Variants in USP37 observed in about 807,000 individuals in gnomAD.
USP37 encodes the protein ubiquitin carboxyl-terminal hydrolase 37.
Under a neutral mutation model 124.0 loss-of-function variants are expected in USP37, and 27 were observed. The ratio of observed to expected loss-of-function variants is 0.22; its 90% CI spans 0.16 to 0.30. The LOEUF (loss-of-function observed/expected upper bound fraction) is 0.30. Among genes scored for constraint, USP37 ranks in the 10% least tolerant of loss-of-function variants. USP37 has a pLI of 1.00. For missense variants in USP37, 889 were observed against 1,140.4 expected (o/e 0.78, Z 3.17); for synonymous variants, 365 against 388.0 (o/e 0.94, Z 0.70).
chr2:218,530,287 C>T (rs1691249932), intron 9 of USP37, among the ~76,000 whole-genome samples: 1 of 152,130 alleles, frequency 6.6e-6, no homozygotes, highest in African/African-American at 2.4e-5. Context: ...TCTATCAGTG[C>T]CATTTTCCCA....
intron 8 of USP37, among the ~76,000 whole-genome samples, chr2:218,544,046 G>A (rs1332642425): frequency 1.3e-5 from 2 of 151,922 alleles, no homozygotes; most frequent in African/African-American, 2.4e-5. Context: ...TGTTATCTTT[G>A]TGACTTTTCT....
chr2:218,478,141 A>T (rs1164407946), intron 18 of USP37, among the ~76,000 whole-genome samples: 2 of 152,228 alleles, frequency 1.3e-5, no homozygotes, highest in Non-Finnish European at 2.9e-5. Context: ...CCAGAGTGGA[A>T]ATCAGGAAGA....
intron 11 of USP37, among the ~76,000 whole-genome samples, chr2:218,508,290 A>T (rs563428548): frequency 0.01 from 1,483 of 147,928 alleles, 10 homozygotes; most frequent in Middle Eastern, 0.017. Context: ...TTTTTTTTTT[A>T]AAAGGAGTTC....
At chr2:218,478,929 T>C (rs1691107142) in intron 18 of USP37, among the ~76,000 whole-genome samples, 1 of 152,134 alleles carries the variant, frequency 6.6e-6, no homozygotes, top group African/African-American at 2.4e-5. Context: ...TATGGTTATA[T>C]AAGCCCCCCA....
chr2:218,552,918 A>AAAAC (rs140347553), intron 5 of USP37, among the ~76,000 whole-genome samples: 3,383 of 151,488 alleles, frequency 0.022, 98 homozygotes, highest in African/African-American at 0.073. Context: ...ACTCCATTTC[A>AAAAC]AAACAAACAA....
Position 218,475,453 on chromosome 2 carries a change from G to A in USP37, c.2044-568C>T, listed in dbSNP as rs1024212767. Among the ~76,000 whole-genome samples the A allele has an allele frequency of 4.6e-5, 7 of 152,182 alleles. 1 individual carries two copies. The highest frequency in any genetic ancestry group is 3.9e-4 in the Admixed American group (6 of 15,286). On this transcript the variant is annotated intron_variant, in intron 19 of 25. Coordinates refer to ENST00000258399, the MANE Select transcript of USP37 (RefSeq NM_020935.3). ...GTCTTTACTAAAAATACAAAAATTA[G>A]GCTGGGCGTGGTGGCTCATGCCTGT... is the stretch of plus-strand genomic sequence containing the variant.
At chr2:218,552,630 G>A (rs1208734926) in intron 5 of USP37, among the ~76,000 whole-genome samples, 1 of 143,206 alleles carries the variant, frequency 7.0e-6, no homozygotes, top group Non-Finnish European at 1.5e-5. Flanking sequence ...AAAAGAAAAA[G>A]TGCCTGTAAA....
At chr2:218,542,990 G>A (rs1692071379) in intron 8 of USP37, among the ~76,000 whole-genome samples, 1 of 152,180 alleles carries the variant, frequency 6.6e-6, no homozygotes, top group South Asian at 2.1e-4. Context: ...GATTAGAAAG[G>A]TGATGACCAT....
chr2:218,489,535 G>GCAA (rs1691799354), intron 14 of USP37, among the ~76,000 whole-genome samples: 1 of 151,568 alleles, frequency 6.6e-6, no homozygotes, highest in African/African-American at 2.4e-5. Context: ...AAGCTGGAGT[G>GCAA]CAATGGCACG....
At chr2:218,559,824 C>G (rs1159155010) in intron 3 of USP37, among the ~76,000 whole-genome samples, 1 of 151,740 alleles carries the variant, frequency 6.6e-6, no homozygotes, top group Admixed American at 6.6e-5. Context: ...CAAAAAATAC[C>G]AAAAAATTAG....
rs142474892 is a variant in USP37, at chr2:218,510,037, T to C, written c.967A>G (p.Thr323Ala). 6.7e-4 allele frequency: 1,076 copies of C among 1,612,356 alleles called. 3 individuals are homozygous for C. The highest frequency in any genetic ancestry group is 7.6e-4 in the Non-Finnish European group (901 of 1,179,282). The change falls in exon 11 of 26, where the codon ACT (threonine) becomes GCT (alanine). Residue 323 changes from threonine (T) to alanine (A), a missense_variant. By Grantham distance (58) the Thr-to-Ala change is moderately conservative. This residue lies in a region of USP37 where 374 missense variants were observed against 386.0 expected (regional missense o/e 0.97). Coordinates refer to ENST00000258399, the MANE Select transcript of USP37 (RefSeq NM_020935.3). Reference sequence around the variant, plus strand: ...GGCACTCTTGGTTTATTCCAGCCAGTGTAATCCTGGTTACACCTCAGTTTT... The same window carrying C: ...GGCACTCTTGGTTTATTCCAGCCAGCGTAATCCTGGTTACACCTCAGTTTT... ...VKKLRCNQDY[T>A]GWNKPRVPLS...
chr2:218,558,706 A>G (rs1693159175), intron 3 of USP37, 29 bp from the exon 4 acceptor site: 5 of 1,506,294 alleles, frequency 3.3e-6, no homozygotes, highest in Non-Finnish European at 4.5e-6. Flanking sequence ...ATATACCTTT[A>G]CCTGGCAGGT....
intron 15 of USP37, among the ~76,000 whole-genome samples, chr2:218,487,059 C>T (rs368733611): frequency 6.6e-6 from 1 of 152,028 alleles, no homozygotes; most frequent in East Asian, 1.9e-4. Flanking sequence ...GGAAGACAAT[C>T]CTGCCAATTT....
chr2:218,499,000 T>A (rs1689220401), intron 11 of USP37, among the ~76,000 whole-genome samples: 1 of 151,972 alleles, frequency 6.6e-6, no homozygotes, highest in Non-Finnish European at 1.5e-5. Flanking sequence ...TTATGCCGGG[T>A]GCAGTGGCTC....
chr2:218,514,808 T>C (rs970014298), intron 10 of USP37, among the ~76,000 whole-genome samples: 2 of 152,234 alleles, frequency 1.3e-5, no homozygotes, highest in African/African-American at 4.8e-5. Context: ...AAATTCTTAA[T>C]TGGAATTCTT....
rs1689655965 is a variant in USP37 at position 218,455,594 on chromosome 2, G to A, written c.2838C>T (p.Phe946=). ...QSDRDRSGYI[F]FYMHKEIFDE... is the part of the protein sequence containing the mutation. The stretch of plus-strand genomic sequence containing the variant: ...AAGTTTCTTACTTGTGCATATAAAA[G>A]AAGATGTAGCCACTCCGATCTCGAT... Residue 946 remains phenylalanine, a synonymous_variant, in exon 25 of 26, where the codon TTC becomes TTT. Transcript: ENST00000258399. 3 of 1,610,572 alleles carry A rather than the reference G, an allele frequency of 1.9e-6. No individual in the cohort carries two copies. The highest frequency in any genetic ancestry group is 1.3e-5 in the African/African-American group (1 of 74,482).
At chr2:218,517,698 T>C (rs1358819229) in intron 10 of USP37, among the ~76,000 whole-genome samples, 2 of 152,214 alleles carry the variant, frequency 1.3e-5, no homozygotes, top group Admixed American at 6.5e-5. Context: ...TAGGTTTCTT[T>C]TTCTCAATCC....
chr2:218,544,430 T>TATATATAGAGAGAGAGAGAG (rs377397246), intron 8 of USP37, among the ~76,000 whole-genome samples: 3 of 50,814 alleles, frequency 5.9e-5, no homozygotes, highest in African/African-American at 2.7e-4. Flanking sequence ...TATATATATA[T>TATATATAGAGAGAGAGAGAG]AGAGAGAGAG....
chr2:218,537,885 T>C (rs1206784477), intron 8 of USP37, among the ~76,000 whole-genome samples: 1 of 152,148 alleles, frequency 6.6e-6, no homozygotes, highest in Non-Finnish European at 1.5e-5. Context: ...TCTTGGCATA[T>C]TATTAAGCCC....
Sources: gnomAD v4.1 joint callset for allele counts (sites outside exome capture counted in the v4.1 genomes callset) on GRCh38, gnomAD v4.1.1 for gene constraint, gnomAD v4.1.1 regional missense constraint, MANE v1.5 for transcripts, NCBI Gene and HGNC (gene_info 2026-07-23, HGNC 2026-07-21) for gene names.